GPD1L: variants seen among roughly 807,000 people sequenced by gnomAD.
The protein encoded by GPD1L is glycerol-3-phosphate dehydrogenase 1-like protein.
GPD1L carries 17 observed loss-of-function variants against 32.9 expected under a neutral mutation model. That is an observed-to-expected ratio of 0.52 (90% CI 0.35 to 0.78). The LOEUF is 0.78. GPD1L is among the 30% of genes least tolerant of loss of function. The pLI, the probability that GPD1L is intolerant of heterozygous loss-of-function variation, is 0.01. For missense variants in GPD1L, 361 were observed against 447.8 expected, an observed-to-expected ratio of 0.81 and a Z score of 1.75; for synonymous variants, 187 against 165.9, an observed-to-expected ratio of 1.13 and a Z score of -0.98.
rs147700828 is a variant in GPD1L, at chr3:32,166,042, T to C, written c.*132T>C. 13,463 of 708,836 alleles carry C rather than the reference T, an allele frequency of 0.019. 171 individuals are homozygous for C. Among genetic ancestry groups the C allele is most frequent in the Non-Finnish European group, 0.027 (10,400 of 383,796 alleles). 43.9% of individuals were successfully genotyped at this position (708,836 alleles called of 1,614,324 possible). A position where few individuals can be genotyped will look rare whatever the true frequency, so the allele number is the denominator to read the frequency against. ...ACGGATATGTATGAATTTTTACAGG[T>C]TCGTTTTTGAATTGTGAGAGGCAGT... On this transcript the variant is annotated 3_prime_UTR_variant, in exon 8 of 8. Transcript: ENST00000282541.
At chr3:32,136,204 C>G (rs1053397509) in intron 2 of GPD1L, among the ~76,000 whole-genome samples, 4 of 152,166 alleles carry the variant, frequency 2.6e-5, no homozygotes, top group Non-Finnish European at 5.9e-5. Context: ...AGCCCCGTGG[C>G]GTAGGTTCTC....
intron 2 of GPD1L, among the ~76,000 whole-genome samples, chr3:32,130,428 A>G (rs11922351): frequency 0.057 from 8,599 of 152,108 alleles, 435 homozygotes; most frequent in East Asian, 0.15. Flanking sequence ...GGTTTGTTGC[A>G]TTTCCGTCAA....
At position 32,106,999 on chromosome 3, in the gene GPD1L, A is replaced by G. The variant is rs866326124; in HGVS notation, c.47+241A>G. On this transcript the variant is annotated intron_variant, in intron 1 of 7. Transcript: ENST00000282541. This position sits in a 1 kb window ranked among gnomAD's most constrained non-coding sequence, Gnocchi z 4.0. ...GACAGCGCGGAGAGAGGGCACCCCG[A>G]GCACGCGGGCACCTGTCTGCGCCCC... Among the ~76,000 whole-genome samples, 3 of 152,134 alleles carry G rather than the reference A, an allele frequency of 2.0e-5. No homozygotes were observed. The highest frequency in any genetic ancestry group is 4.4e-5 in the Non-Finnish European group (3 of 68,014).
At chr3:32,128,334 GA>G in intron 2 of GPD1L, 81 bp downstream of exon 2, 1 of 1,141,370 alleles carries the variant, frequency 8.8e-7, no homozygotes, top group Non-Finnish European at 1.3e-6. Context: ...TTGGAACTGG[GA>G]AAGCTGCTTC....
chr3:32,131,083 T>C (rs900504261), intron 2 of GPD1L, among the ~76,000 whole-genome samples: 7 of 152,164 alleles, frequency 4.6e-5, no homozygotes, highest in Admixed American at 3.3e-4. Context: ...TGCAAAATGG[T>C]TGATCCTGTT....
chr3:32,108,539 A>T (rs1246379141), intron 1 of GPD1L, among the ~76,000 whole-genome samples: 1 of 152,194 alleles, frequency 6.6e-6, no homozygotes, highest in Non-Finnish European at 1.5e-5. Flanking sequence ...ACAAAAAATA[A>T]AAAACAAAAA....
rs1190109601 is a variant in GPD1L, at chr3:32,128,374, ATTGG to A, written c.225+132_225+135del. 1.4e-5 allele frequency: 12 copies of A among 838,022 alleles called. No homozygotes were observed. The Admixed American group carries it at 1.7e-4, about 12-fold the overall frequency. 51.9% of individuals were successfully genotyped at this position (838,022 alleles called of 1,614,324 possible). ...TTTCCCCAGTTCCTTTCCACTACCA[ATTGG>A]TTGGTTGGTTTTGGTCTTCCTGACT... On this transcript the variant is annotated intron_variant, in intron 2 of 7. Transcript: ENST00000282541.
chr3:32,123,795 T>TAGAC (rs1432279998), intron 1 of GPD1L, among the ~76,000 whole-genome samples: 38 of 114,974 alleles, frequency 3.3e-4, no homozygotes, highest in Admixed American at 3.2e-3. Context: ...AATTGAAAGA[T>TAGAC]AGATAGATAG....
chr3:32,120,020 C>T (rs79032837), intron 1 of GPD1L, among the ~76,000 whole-genome samples: 5 of 152,214 alleles, frequency 3.3e-5, no homozygotes, highest in East Asian at 1.9e-4. Flanking sequence ...TAATTAAGTG[C>T]GAAGGTTAAA....
chr3:32,148,795 T>G (rs772819771), intron 5 of GPD1L, among the ~76,000 whole-genome samples: 3 of 152,192 alleles, frequency 2.0e-5, no homozygotes, highest in Non-Finnish European at 4.4e-5. Flanking sequence ...CAAGGACACA[T>G]GGCCGTATGT....
intron 7 of GPD1L, among the ~76,000 whole-genome samples, chr3:32,165,448 A>C (rs376649460): frequency 2.0e-5 from 3 of 151,654 alleles, no homozygotes; most frequent in African/African-American, 7.3e-5. Flanking sequence ...GCAATTTAAA[A>C]ATTTATTTTT....
rs1701146259 is a variant in GPD1L at position 32,166,305 on chromosome 3, T to C, written c.*395T>C. 3.3e-6 allele frequency: 1 copy of C among 298,946 alleles called. No individual in the cohort carries two copies. The highest frequency in any genetic ancestry group is 6.4e-6 in the Non-Finnish European group (1 of 155,664). 18.5% of individuals were successfully genotyped at this position (298,946 alleles called of 1,614,324 possible). On this transcript the variant is annotated 3_prime_UTR_variant, in exon 8 of 8. Transcript: ENST00000282541. ...ATTTTTTTTCTCATTTTTCTAGTGT[T>C]AAATTTTAACCAGCATTAACATGGT... is the stretch of plus-strand genomic sequence containing the variant.
At chr3:32,142,451 C>T (rs1486706311) in intron 4 of GPD1L, among the ~76,000 whole-genome samples, 1 of 152,140 alleles carries the variant, frequency 6.6e-6, no homozygotes, top group Non-Finnish European at 1.5e-5. Context: ...TTACTATTAG[C>T]AGTTTCTAAA....
At chr3:32,110,983 C>A (rs901090) in intron 1 of GPD1L, among the ~76,000 whole-genome samples, 80,563 of 152,104 alleles carry the variant, frequency 0.53, 24,569 homozygotes, top group East Asian at 0.9. Flanking sequence ...CTCATGCCTC[C>A]GCCTTCTGAG....
chr3:32,135,382 A>C (rs939354844), intron 2 of GPD1L, among the ~76,000 whole-genome samples: 1 of 152,208 alleles, frequency 6.6e-6, no homozygotes, highest in Non-Finnish European at 1.5e-5. Context: ...AGAACAAAAC[A>C]ATGAGCTTTG....
intron 1 of GPD1L, among the ~76,000 whole-genome samples, chr3:32,114,219 G>A (rs1414602779): frequency 1.3e-5 from 2 of 152,240 alleles, no homozygotes; most frequent in Non-Finnish European, 2.9e-5. Flanking sequence ...TTCAGCCAGC[G>A]TGACAGGGGT....
chr3:32,136,964 T>A (rs1427189419), intron 2 of GPD1L, among the ~76,000 whole-genome samples: 1 of 152,176 alleles, frequency 6.6e-6, no homozygotes, highest in Non-Finnish European at 1.5e-5. Context: ...TCCATGGCCA[T>A]GTGTAGCTGC....
chr3:32,140,881 T>C (rs78622365), intron 4 of GPD1L, among the ~76,000 whole-genome samples: 3,565 of 152,304 alleles, frequency 0.023, 133 homozygotes, highest in African/African-American at 0.08. Context: ...ATTTGAGTCT[T>C]CTGTTTCCTG....
At chr3:32,115,441 G>A (rs536337686) in intron 1 of GPD1L, among the ~76,000 whole-genome samples, 1 of 152,180 alleles carries the variant, frequency 6.6e-6, no homozygotes, top group Non-Finnish European at 1.5e-5. Flanking sequence ...AAGTCCAGCT[G>A]GCTTCACCTC....
Sources: gnomAD v4.1 joint callset for allele counts (sites outside exome capture counted in the v4.1 genomes callset) on GRCh38, gnomAD v4.1.1 for gene constraint, Gnocchi (gnomAD v3.1) non-coding constraint, MANE v1.5 for transcripts, NCBI Gene and HGNC (gene_info 2026-07-23, HGNC 2026-07-21) for gene names.